Variants in RHD observed in about 807,000 individuals in gnomAD.
RHD encodes blood group Rh(D) polypeptide.
A neutral mutation model predicts 45.5 loss-of-function variants in RHD; 16 were observed. The ratio of observed to expected loss-of-function variants is 0.35; its 90% CI spans 0.24 to 0.53. The LOEUF (loss-of-function observed/expected upper bound fraction) is 0.53. Among genes scored for constraint, RHD ranks in the 20% least tolerant of loss-of-function variants. RHD has a pLI of 0.92. For synonymous variants in RHD, 131 were observed against 217.5 expected, an observed-to-expected ratio of 0.60 and a Z score of 3.50; for missense variants, 306 against 532.0, an observed-to-expected ratio of 0.58 and a Z score of 4.18.
intron 1 of RHD, among the ~76,000 whole-genome samples, chr1:25,283,399 C>T (rs28742253): frequency 0.014 from 1,821 of 130,726 alleles, 209 homozygotes; most frequent in African/African-American, 0.045. Context: ...GGCACGGTGG[C>T]AGGCACCTGT....
chr1:25,285,134 A>ATT (rs869147845), intron 2 of RHD, among the ~76,000 whole-genome samples: 7 of 120,760 alleles, frequency 5.8e-5, no homozygotes, highest in Non-Finnish European at 5.7e-5. Context: ...GAGACATTCT[A>ATT]TTTTTTTTTT....
In RHD at chr1:25,321,506, A is replaced by AC. The variant is rs1367852887; in HGVS notation, c.1154-383_1154-382insC. Among the ~76,000 whole-genome samples, 4 of 119,354 alleles carry AC rather than the reference A, an allele frequency of 3.4e-5. 1 individual carries two copies. The highest frequency in any genetic ancestry group is 1.1e-4 in the African/African-American group (4 of 36,006). 78.3% of individuals were successfully genotyped at this position (119,354 alleles called of 152,430 possible). On this transcript the variant is annotated intron_variant, in intron 8 of 9. Transcript: ENST00000328664. ...TGAAACTCCATCTCTACTAAAAAAA[A>AC]AAAAAAAAAAAAAATTAGCTGGATG...
rs1282165146 is a variant in RHD at position 25,306,970 on chromosome 1, C to G, written c.1073+241C>G. The G allele has an allele frequency of 4.8e-5, 22 of 460,518 alleles. 3 individuals are homozygous for G. Among genetic ancestry groups the G allele is most frequent in the African/African-American group, 1.2e-4 (6 of 49,618 alleles). 28.5% of individuals were successfully genotyped at this position (460,518 alleles called of 1,614,324 possible). ...GCCACCTAGGTATAGACCAAAGACA[C>G]GAAATCTTTTGTGATCCCACAAACA... On this transcript the variant is annotated intron_variant, in intron 7 of 9. Transcript: ENST00000328664.
Position 25,274,651 on chromosome 1 carries a change from G to A in RHD, c.148+1956G>A, listed in dbSNP as rs1184760837. 5.3e-5 allele frequency among the ~76,000 whole-genome samples: 7 copies of A among 133,280 alleles called. 2 individuals are homozygous for A. Among genetic ancestry groups the A allele is most frequent in the East Asian group, 1.9e-4 (1 of 5,142 alleles). The allele number at this position is 133,280 out of a possible 152,430, so 87.4% of individuals were successfully genotyped here. A position where few individuals can be genotyped will look rare whatever the true frequency, so the allele number is the denominator to read the frequency against. ...GTGAGGGCACAGTGGGTGCCATGGC[G>A]TGCACACACAATAGAGCAGACTGAG... On this transcript the variant is annotated intron_variant, in intron 1 of 9. Transcript: ENST00000328664.
chr1:25,290,956 C>T (rs112796281), intron 3 of RHD, among the ~76,000 whole-genome samples, 165 bp downstream of exon 3: 2,314 of 130,776 alleles, frequency 0.018, 211 homozygotes, highest in African/African-American at 0.056. Flanking sequence ...CCAGCCTGGG[C>T]ATCATAGCAA....
chr1:25,312,767 A>C (rs929236649), intron 7 of RHD, among the ~76,000 whole-genome samples: 1 of 117,750 alleles, frequency 8.5e-6, no homozygotes, highest in Non-Finnish European at 2.0e-5. Flanking sequence ...AAAATTAAAT[A>C]AACTTAGCTG....
At chr1:25,310,590 A>G (rs1173168817) in intron 7 of RHD, among the ~76,000 whole-genome samples, 1 of 131,962 alleles carries the variant, frequency 7.6e-6, no homozygotes, top group Non-Finnish European at 1.8e-5. Flanking sequence ...CAGATTCCTG[A>G]AAATGTGGAA....
intron 1 of RHD, among the ~76,000 whole-genome samples, chr1:25,276,786 G>T (rs1238938215): frequency 7.6e-6 from 1 of 132,022 alleles, no homozygotes; most frequent in Non-Finnish European, 1.8e-5. Context: ...AAACATAAAG[G>T]CTGGGTGTAG....
intron 7 of RHD, among the ~76,000 whole-genome samples, chr1:25,312,380 G>A (rs1355053915): frequency 1.9e-5 from 2 of 106,060 alleles, no homozygotes; most frequent in African/African-American, 6.2e-5. Context: ...TGTACCTTAA[G>A]TCTCACCCAC....
At chr1:25,300,736 G>A (rs1392669974) in intron 3 of RHD, among the ~76,000 whole-genome samples, 1 of 131,634 alleles carries the variant, frequency 7.6e-6, no homozygotes, top group East Asian at 2.0e-4. Flanking sequence ...GTGAACCTGG[G>A]AGGCAAATGT....
rs1643194618 is a variant in RHD at position 25,299,259 on chromosome 1, G to C, written c.487-1687G>C. On this transcript the variant is annotated intron_variant, in intron 3 of 9. Transcript: ENST00000328664. ...TAGCCGGGCACGGTGGTGGGTGCCT[G>C]TAATCCCAGCTACTTGGGAGGCTGA... Among the ~76,000 whole-genome samples the C allele has an allele frequency of 2.3e-5, 3 of 128,956 alleles. 1 individual carries two copies. The South Asian group carries it at 7.1e-4, about 30-fold the overall frequency. 84.6% of individuals were successfully genotyped at this position (128,956 alleles called of 152,430 possible).
intron 2 of RHD, among the ~76,000 whole-genome samples, chr1:25,287,467 TGACC>T (rs1642129803): frequency 7.4e-6 from 1 of 135,136 alleles, no homozygotes; most frequent in African/African-American, 2.6e-5. Context: ...GGCTCCTTCC[TGACC>T]GGTTCCCGTC....
intron 8 of RHD, among the ~76,000 whole-genome samples, chr1:25,318,949 T>C (rs1444924241): frequency 7.5e-6 from 1 of 133,244 alleles, no homozygotes; most frequent in Admixed American, 7.3e-5. Flanking sequence ...TGCAGAGTCT[T>C]TGTGAAGAAG....
intron 3 of RHD, among the ~76,000 whole-genome samples, chr1:25,298,828 T>C (rs185610010): frequency 7.7e-6 from 1 of 129,882 alleles, no homozygotes; most frequent in African/African-American, 2.6e-5. Context: ...TAGAGAGTGG[T>C]AAGTACCACA....
In RHD at chr1:25,280,330, C is replaced by G. The variant is rs74511600; in HGVS notation, c.149-4243C>G. Among the ~76,000 whole-genome samples, 52 of 118,284 alleles carry G rather than the reference C, an allele frequency of 4.4e-4. 15 individuals are homozygous for G. Among genetic ancestry groups the G allele is most frequent in the South Asian group, 2.3e-3 (9 of 3,960 alleles). 77.6% of individuals were successfully genotyped at this position (118,284 alleles called of 152,430 possible). ...TCTCTTTTTTTTTTTTTTTGAGCTGCAGTCTCACTCTGTCATCCAGGCTGG... is the reference window on the plus strand; with the variant it reads ...TCTCTTTTTTTTTTTTTTTGAGCTGGAGTCTCACTCTGTCATCCAGGCTGG... On this transcript the variant is annotated intron_variant, in intron 1 of 9. Transcript: ENST00000328664.
chr1:25,287,060 T>C lies in RHD; in HGVS notation c.335+2301T>C, dbSNP rs576601194. Among the ~76,000 whole-genome samples the C allele has an allele frequency of 1.6e-3, 218 of 135,276 alleles. 22 individuals are homozygous for C. Among genetic ancestry groups the C allele is most frequent in the African/African-American group, 5.4e-3 (212 of 39,268 alleles). The allele number at this position is 135,276 out of a possible 152,430, so 88.7% of individuals were successfully genotyped here. ...GTGAGCCGAGATCGCACCATTGCAC[T>C]GTAGCCTGGGCGACAGAGTGAGGCT... On this transcript the variant is annotated intron_variant, in intron 2 of 9. Coordinates refer to ENST00000328664, the MANE Select transcript of RHD (RefSeq NM_016124.6).
intron 6 of RHD, among the ~76,000 whole-genome samples, chr1:25,305,964 A>G (rs373498196): frequency 7.6e-6 from 1 of 131,888 alleles, no homozygotes; most frequent in Admixed American, 7.4e-5. Context: ...TTGAATTTGC[A>G]TATGTGTCCA....
chr1:25,284,517 A>G, intron 1 of RHD, 56 bp from the exon 2 acceptor site: 34 of 1,334,844 alleles, frequency 2.5e-5, no homozygotes, highest in Non-Finnish European at 3.6e-5. Flanking sequence ...ATTTCATACC[A>G]CCCTAAATCT....
In RHD at chr1:25,315,747, C is replaced by A. The variant is rs574256391; in HGVS notation, c.1074-1253C>A. 2.2e-4 allele frequency among the ~76,000 whole-genome samples: 29 copies of A among 130,280 alleles called. 6 individuals are homozygous for A. Among genetic ancestry groups the A allele is most frequent in the Middle Eastern group, 4.1e-3 (1 of 242 alleles). 85.5% of individuals were successfully genotyped at this position (130,280 alleles called of 152,430 possible). A position where few individuals can be genotyped will look rare whatever the true frequency, so the allele number is the denominator to read the frequency against. ...TCCTGACCTCATGATCTGCCCGCCTCGGCCTCCCAAAGTGTGGGGATTACA... is the reference window on the plus strand; with the variant it reads ...TCCTGACCTCATGATCTGCCCGCCTAGGCCTCCCAAAGTGTGGGGATTACA... On this transcript the variant is annotated intron_variant, in intron 7 of 9. Transcript: ENST00000328664.
Sources: allele counts gnomAD v4.1 joint callset (sites outside exome capture counted in the v4.1 genomes callset), GRCh38; gene constraint gnomAD v4.1.1; transcripts MANE v1.5; gene names NCBI Gene and HGNC (gene_info 2026-07-23, HGNC 2026-07-21).